Variants in PPP2R1B observed in about 807,000 individuals in gnomAD.
PPP2R1B encodes the protein serine/threonine-protein phosphatase 2A 65 kDa regulatory subunit A beta isoform.
In PPP2R1B, 58 loss-of-function variants were observed where a neutral mutation model predicts 72.7. The observed-to-expected ratio is 0.80, with a 90% CI of 0.65 to 0.99. The LOEUF (loss-of-function observed/expected upper bound fraction) is 0.99, where lower values mean the gene tolerates loss of function less well. Ranked by LOEUF, PPP2R1B falls within the 50% of genes least tolerant of loss-of-function variation. The pLI is 0.00. For missense variants in PPP2R1B, 695 were observed against 733.6 expected, an observed-to-expected ratio of 0.95 and a Z score of 0.61; for synonymous variants, 256 against 264.6, an observed-to-expected ratio of 0.97 and a Z score of 0.32.
intron 3 of PPP2R1B, 50 bp downstream of exon 3, chr11:111,764,755 T>A: frequency 1.3e-6 from 2 of 1,575,336 alleles, no homozygotes; most frequent in Non-Finnish European, 1.7e-6. Flanking sequence ...AATGTATCAT[T>A]TATACTGCAA....
chr11:111,723,887 C>G (rs888849280), downstream of PPP2R1B: 8 of 1,582,346 alleles, frequency 5.1e-6, no homozygotes, highest in Admixed American at 1.2e-4. Flanking sequence ...GTTCTCCTAT[C>G]AGACTTGTGA....
chr11:111,697,048 A>C, the PPP2R1B span, among the ~76,000 whole-genome samples: 1 of 152,182 alleles, frequency 6.6e-6, no homozygotes, highest in Non-Finnish European at 1.5e-5. Flanking sequence ...AACTTCTTCA[A>C]AAATAACTAT....
In PPP2R1B at chr11:111,739,107, A is replaced by G; in HGVS notation, c.*2489T>C. ...GGAAAATCTTTCTGTCAGTGGGAGA[A>G]TAAGACACAGTCTGGTTCTTTTGAT... is the stretch of plus-strand genomic sequence containing the variant. On this transcript the variant is annotated 3_prime_UTR_variant, in exon 15 of 15. Coordinates refer to ENST00000527614, the MANE Select transcript of PPP2R1B (RefSeq NM_002716.5). 2.0e-6 allele frequency: 2 copies of G among 985,428 alleles called. No homozygotes were observed. Among genetic ancestry groups the G allele is most frequent in the Non-Finnish European group, 2.4e-6 (2 of 829,928 alleles). The allele number at this position is 985,428 out of a possible 1,614,324, so 61.0% of individuals were successfully genotyped here.
In PPP2R1B at chr11:111,738,742, ATCT is replaced by A; in HGVS notation, c.*2851_*2853del. 6.1e-6 allele frequency: 6 copies of A among 985,438 alleles called. No homozygotes were observed. Among genetic ancestry groups the A allele is most frequent in the Non-Finnish European group, 7.2e-6 (6 of 829,952 alleles). 61.0% of individuals were successfully genotyped at this position (985,438 alleles called of 1,614,324 possible). A position where few individuals can be genotyped will look rare whatever the true frequency, so the allele number is the denominator to read the frequency against. On this transcript the variant is annotated 3_prime_UTR_variant, in exon 15 of 15. Transcript: ENST00000527614. ...AAACAAGATGCATCCTCAGGTTCACATCTTCTTGGTAGCACAGAGAGAGAAACA... is the reference window on the plus strand; with the variant it reads ...AAACAAGATGCATCCTCAGGTTCACATCTTGGTAGCACAGAGAGAGAAACA...
At chr11:111,705,615 CA>C in the PPP2R1B span, among the ~76,000 whole-genome samples, 2 of 152,204 alleles carry the variant, frequency 1.3e-5, no homozygotes, top group South Asian at 2.1e-4. This position sits in a 1 kb window ranked among gnomAD's most constrained non-coding sequence, Gnocchi z 4.3. Context: ...CACATCTGAA[CA>C]GGGGGAATGG....
rs1157787327 is a variant in PPP2R1B, at chr11:111,741,622, T to A, written c.1790-10A>T. The A allele has an allele frequency of 6.2e-7, 1 of 1,613,182 alleles. No individual in the cohort carries two copies. Among genetic ancestry groups the A allele is most frequent in the Non-Finnish European group, 8.5e-7 (1 of 1,179,804 alleles). ...TATGCCAATGCAAGAACTGGAAAAT[T>A]CCAAACAAAATCAGGTTAGTGGTAC... On this transcript the variant is annotated splice_polypyrimidine_tract_variant and intron_variant, in intron 14 of 14. Transcript: ENST00000527614.
chr11:111,724,465 A>G (rs585149), downstream of PPP2R1B: 35,113 of 295,042 alleles, frequency 0.12, 2,771 homozygotes, highest in Non-Finnish European at 0.17. Flanking sequence ...ACATCCGTTT[A>G]TTATCAAGGG....
At chr11:111,764,464 A>C (rs1186763393) in intron 3 of PPP2R1B, among the ~76,000 whole-genome samples, 1 of 152,228 alleles carries the variant, frequency 6.6e-6, no homozygotes, top group Non-Finnish European at 1.5e-5. Context: ...CAGAAGCAAA[A>C]GTTAAACTGA....
chr11:111,722,563 T>C, downstream of PPP2R1B: 2 of 1,109,668 alleles, frequency 1.8e-6, no homozygotes, highest in Non-Finnish European at 2.6e-6. This position sits in a 1 kb window ranked among gnomAD's most constrained non-coding sequence, Gnocchi z 4.4. Context: ...GTGGATTCTG[T>C]AGAATGCAGT....
rs1197221320 is a variant in PPP2R1B, at chr11:111,741,102, G to C, written c.*494C>G. On this transcript the variant is annotated 3_prime_UTR_variant, in exon 15 of 15. Coordinates refer to ENST00000527614, the MANE Select transcript of PPP2R1B (RefSeq NM_002716.5). ...GACCATCATAATTCAGGAAAATGTG[G>C]CTTTCATTACGGTCAAATCTCAACA... 6 of 987,592 alleles carry C rather than the reference G, an allele frequency of 6.1e-6. No individual in the cohort carries two copies. The East Asian group carries it at 6.8e-4, about 112-fold the overall frequency. 61.2% of individuals were successfully genotyped at this position (987,592 alleles called of 1,614,324 possible).
chr11:111,752,119 C>A (rs782515577), intron 10 of PPP2R1B, 40 bp downstream of exon 10: 1 of 1,542,668 alleles, frequency 6.5e-7, no homozygotes, highest in South Asian at 1.3e-5. Flanking sequence ...TTGTCACTAT[C>A]TGACACTACC....
chr11:111,756,278 A>G (rs1465606947), intron 5 of PPP2R1B, among the ~76,000 whole-genome samples: 1 of 152,002 alleles, frequency 6.6e-6, no homozygotes, highest in East Asian at 1.9e-4. Flanking sequence ...TGTCAAAGTC[A>G]TAAAGATAGA....
the PPP2R1B span, chr11:111,720,773 C>T: frequency 6.3e-7 from 1 of 1,576,610 alleles, no homozygotes; most frequent in East Asian, 2.2e-5. Context: ...GTGAGCACTT[C>T]CTCCTCTGCT....
the PPP2R1B span, chr11:111,701,004 C>T: frequency 3.1e-6 from 5 of 1,613,808 alleles, no homozygotes; most frequent in Non-Finnish European, 4.2e-6. This position sits in a 1 kb window ranked among gnomAD's most constrained non-coding sequence, Gnocchi z 4.2. Context: ...CACAGCTGGA[C>T]ATCTGGGTAC....
downstream of PPP2R1B, among the ~76,000 whole-genome samples, chr11:111,733,310 C>A (rs928790563): frequency 3.9e-5 from 6 of 152,094 alleles, no homozygotes; most frequent in Non-Finnish European, 8.8e-5. Flanking sequence ...GCTGAGCCCC[C>A]GAGCCAGCAC....
intron 11 of PPP2R1B, among the ~76,000 whole-genome samples, 152 bp downstream of exon 11, chr11:111,747,794 GTCAAATTT>G (rs1944757288): frequency 6.6e-6 from 1 of 152,140 alleles, no homozygotes; most frequent in Non-Finnish European, 1.5e-5. Flanking sequence ...TGGTAGAAAC[GTCAAATTT>G]ATATTCAGAA....
chr11:111,715,084 G>A, the PPP2R1B span, among the ~76,000 whole-genome samples: 366 of 152,338 alleles, frequency 2.4e-3, no homozygotes, highest in African/African-American at 8.2e-3. Context: ...GGAAATGAAT[G>A]ATTTTGCAAA....
At chr11:111,745,717 T>C (rs1244667663) in intron 11 of PPP2R1B, among the ~76,000 whole-genome samples, 2 of 152,220 alleles carry the variant, frequency 1.3e-5, no homozygotes, top group Non-Finnish European at 2.9e-5. Context: ...ATTTCCCTTC[T>C]ACATTCCTCC....
intron 5 of PPP2R1B, among the ~76,000 whole-genome samples, chr11:111,757,828 T>G (rs1281446158): frequency 7.6e-6 from 1 of 130,826 alleles, no homozygotes; most frequent in Non-Finnish European, 1.6e-5. Context: ...GGAGTGAAAC[T>G]CCATCTCAAA....
Sources: allele counts gnomAD v4.1 joint callset (sites outside exome capture counted in the v4.1 genomes callset), GRCh38; gene constraint gnomAD v4.1.1; non-coding constraint Gnocchi (gnomAD v3.1); transcripts MANE v1.5; gene names NCBI Gene and HGNC (gene_info 2026-07-23, HGNC 2026-07-21).